The following TP63 variants were observed in gnomAD, a reference collection of about 807,000 sequenced individuals.
TP63 encodes the protein tumor protein 63.
Under a neutral mutation model 82.8 loss-of-function variants are expected in TP63, and 17 were observed. The observed-to-expected ratio is 0.21, with a 90% CI of 0.14 to 0.31. The LOEUF (loss-of-function observed/expected upper bound fraction) is 0.31, where lower values mean the gene tolerates loss of function less well. Among genes scored for constraint, TP63 ranks in the 10% least tolerant of loss-of-function variants. TP63 has a pLI of 1.00. For synonymous variants in TP63, 330 were observed against 321.7 expected (o/e 1.03, Z -0.28); for missense variants, 648 against 895.3 (o/e 0.72, Z 3.52).
intron 1 of TP63, among the ~76,000 whole-genome samples, chr3:189,677,238 T>C (rs1407694602): frequency 6.7e-6 from 1 of 149,504 alleles, no homozygotes; most frequent in African/African-American, 2.4e-5. Flanking sequence ...TGTTTATATA[T>C]GTACATATAA....
At chr3:189,858,839 CATTAT>C (rs1716645534) in intron 4 of TP63, among the ~76,000 whole-genome samples, 1 of 152,068 alleles carries the variant, frequency 6.6e-6, no homozygotes, top group African/African-American at 2.4e-5. Flanking sequence ...AATCTGAGGA[CATTAT>C]ATTAAGTGAA....
chr3:189,887,133 C>T (rs1203496252), intron 11 of TP63, among the ~76,000 whole-genome samples: 2 of 150,310 alleles, frequency 1.3e-5, no homozygotes, highest in East Asian at 2.0e-4. Flanking sequence ...CACTTGAACC[C>T]GGGAGGCAGA....
chr3:189,688,118 T>G (rs542661782), intron 1 of TP63, among the ~76,000 whole-genome samples: 2 of 152,286 alleles, frequency 1.3e-5, no homozygotes, highest in East Asian at 3.9e-4. Flanking sequence ...ACTTGGCTCC[T>G]TCAAAGGATT....
intron 1 of TP63, among the ~76,000 whole-genome samples, chr3:189,649,587 C>G (rs1476688671): frequency 6.8e-6 from 1 of 146,748 alleles, no homozygotes; most frequent in African/African-American, 2.6e-5. Flanking sequence ...ATGAGTCTAC[C>G]TATACAACCA....
At chr3:189,695,858 A>G (rs1242830234) in intron 1 of TP63, among the ~76,000 whole-genome samples, 1 of 152,202 alleles carries the variant, frequency 6.6e-6, no homozygotes, top group Non-Finnish European at 1.5e-5. Flanking sequence ...AGTAAAGTAC[A>G]GTGCTTATAT....
At chr3:189,613,863 T>C in the TP63 span, among the ~76,000 whole-genome samples, 1 of 152,224 alleles carries the variant, frequency 6.6e-6, no homozygotes, top group Non-Finnish European at 1.5e-5. Flanking sequence ...GTAACCCCTT[T>C]GTTTTGGCAA....
the TP63 span, among the ~76,000 whole-genome samples, chr3:189,612,940 G>A: frequency 2.6e-5 from 4 of 152,210 alleles, no homozygotes; most frequent in South Asian, 2.1e-4. Context: ...AAGCAGCAAA[G>A]CATTCAAGAG....
At chr3:189,865,567 A>G (rs1717623425) in intron 5 of TP63, among the ~76,000 whole-genome samples, 1 of 152,258 alleles carries the variant, frequency 6.6e-6, no homozygotes, top group Non-Finnish European at 1.5e-5. Flanking sequence ...CTTTATAGAA[A>G]AAATATTAAA....
At chr3:189,623,546 A>G in the TP63 span, among the ~76,000 whole-genome samples, 1 of 152,200 alleles carries the variant, frequency 6.6e-6, no homozygotes. Flanking sequence ...TCTTGATTCT[A>G]CTGGGATCTA....
chr3:189,895,567 A>G lies in TP63; in HGVS notation c.*1065A>G, dbSNP rs1474509202. The G allele has an allele frequency of 1.8e-5, 4 of 221,150 alleles. No homozygotes were observed. Among genetic ancestry groups the G allele is most frequent in the Non-Finnish European group, 2.7e-5 (3 of 110,662 alleles). 13.7% of individuals were successfully genotyped at this position (221,150 alleles called of 1,614,324 possible). Reference sequence around the variant, plus strand: ...AACAGTGAAGTTTTACTGTCTATTAATATTCAGGGTAAATAGGAATCATTC... The same window carrying G: ...AACAGTGAAGTTTTACTGTCTATTAGTATTCAGGGTAAATAGGAATCATTC... On this transcript the variant is annotated 3_prime_UTR_variant, in exon 14 of 14. Coordinates refer to ENST00000264731, the MANE Select transcript of TP63 (RefSeq NM_003722.5).
At chr3:189,731,412 T>C (rs569757855) in intron 1 of TP63, among the ~76,000 whole-genome samples, 2 of 150,710 alleles carry the variant, frequency 1.3e-5, no homozygotes, top group Admixed American at 1.3e-4. Flanking sequence ...AGTGAACCAG[T>C]TCTTCTTAGA....
chr3:189,704,727 C>G (rs1361977789), intron 1 of TP63, among the ~76,000 whole-genome samples: 1 of 152,214 alleles, frequency 6.6e-6, no homozygotes, highest in Non-Finnish European at 1.5e-5. Flanking sequence ...TACCTGCATT[C>G]TTTTAAATTG....
intron 3 of TP63, among the ~76,000 whole-genome samples, chr3:189,752,323 GC>G (rs1477438603): frequency 6.6e-6 from 1 of 152,046 alleles, no homozygotes; most frequent in East Asian, 1.9e-4. Flanking sequence ...ACAGGCATGT[GC>G]CACCATACCC....
At chr3:189,854,192 A>G (rs1243301304) in intron 4 of TP63, among the ~76,000 whole-genome samples, 2 of 152,158 alleles carry the variant, frequency 1.3e-5, no homozygotes, top group Non-Finnish European at 2.9e-5. Context: ...ATGGCAACTG[A>G]CTAGCAGCTT....
chr3:189,640,486 A>G (rs943322838), intron 1 of TP63, among the ~76,000 whole-genome samples: 1 of 152,128 alleles, frequency 6.6e-6, no homozygotes, highest in Admixed American at 6.5e-5. Flanking sequence ...TACTGCTGCA[A>G]ATGTGGTCCA....
chr3:189,715,414 G>T (rs1446712136), intron 1 of TP63, among the ~76,000 whole-genome samples: 3 of 152,174 alleles, frequency 2.0e-5, no homozygotes, highest in African/African-American at 7.2e-5. Flanking sequence ...TCACTTAGAA[G>T]AAGATAAGGT....
intron 1 of TP63, among the ~76,000 whole-genome samples, chr3:189,648,462 T>A (rs775034615): frequency 6.8e-6 from 1 of 147,400 alleles, no homozygotes; most frequent in Non-Finnish European, 1.5e-5. Context: ...AGGTGCTCAG[T>A]CAATAACTAC....
intron 1 of TP63, among the ~76,000 whole-genome samples, chr3:189,711,766 T>C (rs1181366833): frequency 6.6e-6 from 1 of 152,216 alleles, no homozygotes; most frequent in South Asian, 2.1e-4. Flanking sequence ...TTTTCTTTCA[T>C]GTGGGTATAA....
At chr3:189,685,840 AAAC>A (rs1317607040) in intron 1 of TP63, among the ~76,000 whole-genome samples, 3 of 152,216 alleles carry the variant, frequency 2.0e-5, no homozygotes, top group Non-Finnish European at 4.4e-5. Context: ...CTCCTTCTTA[AAAC>A]AACAACTCCG....
Sources: allele counts gnomAD v4.1 joint callset (sites outside exome capture counted in the v4.1 genomes callset), GRCh38; gene constraint gnomAD v4.1.1; transcripts MANE v1.5; gene names NCBI Gene and HGNC (gene_info 2026-07-23, HGNC 2026-07-21).